CMTM7: variants seen among roughly 807,000 people sequenced by gnomAD.
CMTM7 encodes CKLF like MARVEL transmembrane domain containing 7.
Under a neutral mutation model 19.3 loss-of-function variants are expected in CMTM7, and 7 were observed. That is an observed-to-expected ratio of 0.36 (90% confidence interval 0.21 to 0.68). CMTM7 has a LOEUF of 0.68. Ranked by LOEUF, CMTM7 falls within the 30% of genes least tolerant of loss-of-function variation. The pLI, the probability that CMTM7 is intolerant of heterozygous loss-of-function variation, is 0.60. For missense variants in CMTM7, 193 were observed against 232.6 expected (o/e 0.83, Z 1.11); for synonymous variants, 87 against 99.3 (o/e 0.88, Z 0.74).
chr3:32,399,551 C>G (rs988831726), intron 1 of CMTM7, among the ~76,000 whole-genome samples: 2 of 152,096 alleles, frequency 1.3e-5, no homozygotes, highest in African/African-American at 2.4e-5. Context: ...AGGTTAGGTG[C>G]CAAGTGGAAT....
intron 1 of CMTM7, among the ~76,000 whole-genome samples, chr3:32,429,811 G>A (rs1463817462): frequency 1.3e-5 from 2 of 152,144 alleles, no homozygotes; most frequent in African/African-American, 2.4e-5. Context: ...GTGTTAGTCA[G>A]GAAGGTCTTG....
intron 1 of CMTM7, among the ~76,000 whole-genome samples, chr3:32,423,473 T>C (rs1211468447): frequency 1.3e-5 from 2 of 152,070 alleles, no homozygotes; most frequent in Non-Finnish European, 2.9e-5. Flanking sequence ...GAGGCAGAAG[T>C]TGTGTGTCTT....
chr3:32,443,426 A>G (rs919894412), intron 2 of CMTM7, among the ~76,000 whole-genome samples: 5 of 152,140 alleles, frequency 3.3e-5, no homozygotes, highest in African/African-American at 1.2e-4. Context: ...ATTTTATTCC[A>G]TTGTGTGGAT....
chr3:32,445,698 T>G (rs1023924514), intron 2 of CMTM7, among the ~76,000 whole-genome samples: 2 of 151,878 alleles, frequency 1.3e-5, no homozygotes, highest in African/African-American at 4.8e-5. Context: ...TTGTTTTTGG[T>G]AGAGATAAGG....
Position 32,449,302 on chromosome 3 carries a change from G to T in CMTM7, c.334-152G>T. The T allele has an allele frequency of 3.0e-6, 2 of 664,974 alleles. No individual in the cohort carries two copies. The highest frequency in any genetic ancestry group is 5.3e-5 in the East Asian group (2 of 37,786). The allele number at this position is 664,974 out of a possible 1,614,324, so 41.2% of individuals were successfully genotyped here. On this transcript the variant is annotated intron_variant, in intron 2 of 4. Transcript: ENST00000334983. The surrounding 1 kb of genome is among the most constrained non-coding windows in gnomAD (Gnocchi z 4.5). ...GTCAGCCCGCATGTTGGCTGCCTGC[G>T]AGCGGCTCTGCTCATCCCATTTGCG...
chr3:32,421,321 C>G (rs1346722312), intron 1 of CMTM7, among the ~76,000 whole-genome samples: 4 of 152,178 alleles, frequency 2.6e-5, no homozygotes, highest in Non-Finnish European at 5.9e-5. Flanking sequence ...TGATCCCCAC[C>G]CCATCCCGCC....
At chr3:32,412,386 C>G (rs1020065374) in intron 1 of CMTM7, among the ~76,000 whole-genome samples, 2 of 151,842 alleles carry the variant, frequency 1.3e-5, no homozygotes, top group African/African-American at 4.8e-5. Context: ...ACTCGGGAGG[C>G]TGAGGCAGGA....
chr3:32,452,712 C>T (rs1696854690), intron 4 of CMTM7, among the ~76,000 whole-genome samples: 2 of 151,606 alleles, frequency 1.3e-5, no homozygotes, highest in African/African-American at 2.4e-5. Flanking sequence ...GGTGGCCAAG[C>T]TTTTTTCTCT....
chr3:32,411,629 TCCCATA>T (rs1193421887), intron 1 of CMTM7, among the ~76,000 whole-genome samples: 1 of 152,214 alleles, frequency 6.6e-6, no homozygotes, highest in Non-Finnish European at 1.5e-5. Context: ...CCGCCATCAG[TCCCATA>T]CCCTGGGGGT....
At chr3:32,428,327 C>T (rs1015809164) in intron 1 of CMTM7, among the ~76,000 whole-genome samples, 1 of 152,208 alleles carries the variant, frequency 6.6e-6, no homozygotes, top group African/African-American at 2.4e-5. Flanking sequence ...ACTCCTGGGG[C>T]CACCTGCCTG....
intron 1 of CMTM7, among the ~76,000 whole-genome samples, chr3:32,426,024 A>G (rs991387906): frequency 6.6e-6 from 1 of 152,212 alleles, no homozygotes; most frequent in African/African-American, 2.4e-5. Context: ...GCACGCCTAT[A>G]ATCCCAGCTA....
At chr3:32,444,256 A>G (rs914164744) in intron 2 of CMTM7, among the ~76,000 whole-genome samples, 9 of 152,162 alleles carry the variant, frequency 5.9e-5, no homozygotes, top group Middle Eastern at 3.2e-3. Context: ...TAAGGGTTCA[A>G]TTTCATTCTA....
chr3:32,425,628 TG>T (rs1696420337), intron 1 of CMTM7, among the ~76,000 whole-genome samples: 1 of 152,110 alleles, frequency 6.6e-6, no homozygotes, highest in African/African-American at 2.4e-5. Flanking sequence ...GTTCGGTTGG[TG>T]GGGGAAGAGT....
chr3:32,444,590 T>A (rs1696727243), intron 2 of CMTM7, among the ~76,000 whole-genome samples: 1 of 152,274 alleles, frequency 6.6e-6, no homozygotes, highest in Non-Finnish European at 1.5e-5. Flanking sequence ...AAAAATCAGC[T>A]GGGATTATAA....
intron 1 of CMTM7, among the ~76,000 whole-genome samples, chr3:32,426,082 T>G (rs1696427861): frequency 6.6e-6 from 1 of 152,090 alleles, no homozygotes; most frequent in African/African-American, 2.4e-5. Flanking sequence ...GAGGCAGAGT[T>G]TGCGGTGAGC....
chr3:32,434,888 CAT>C (rs1015034722), intron 1 of CMTM7, among the ~76,000 whole-genome samples: 2 of 152,074 alleles, frequency 1.3e-5, no homozygotes, highest in African/African-American at 4.8e-5. Flanking sequence ...AGCCAATAAA[CAT>C]ATGAAAAGAT....
chr3:32,441,333 G>A (rs993431452), intron 1 of CMTM7, among the ~76,000 whole-genome samples: 1 of 152,212 alleles, frequency 6.6e-6, no homozygotes, highest in African/African-American at 2.4e-5. Context: ...GCGAGATCAC[G>A]TATGTCAGAC....
At chr3:32,418,681 C>T (rs1308310986) in intron 1 of CMTM7, among the ~76,000 whole-genome samples, 7 of 151,710 alleles carry the variant, frequency 4.6e-5, no homozygotes, top group Non-Finnish European at 8.8e-5. Flanking sequence ...AATTACTTTA[C>T]ACTTCTCTCA....
intron 2 of CMTM7, among the ~76,000 whole-genome samples, chr3:32,446,076 T>G (rs1056476333): frequency 1.3e-5 from 2 of 152,246 alleles, no homozygotes; most frequent in Non-Finnish European, 2.9e-5. Context: ...TGAAAGAGTT[T>G]GTGCAGAATT....
Sources: gnomAD v4.1 joint callset for allele counts (sites outside exome capture counted in the v4.1 genomes callset) on GRCh38, gnomAD v4.1.1 for gene constraint, Gnocchi (gnomAD v3.1) non-coding constraint, MANE v1.5 for transcripts, NCBI Gene and HGNC (gene_info 2026-07-23, HGNC 2026-07-21) for gene names.